The following PREX2 variants were observed in gnomAD, a reference collection of about 807,000 sequenced individuals.
PREX2 encodes phosphatidylinositol 3,4,5-trisphosphate-dependent Rac exchanger 2 protein.
Under a neutral mutation model 203.2 loss-of-function variants are expected in PREX2, and 107 were observed. The ratio of observed to expected loss-of-function variants is 0.53; its 90% CI spans 0.45 to 0.62. PREX2 has a LOEUF of 0.62. Among genes scored for constraint, PREX2 ranks in the 20% least tolerant of loss-of-function variants. PREX2 has a pLI of 0.00. For missense variants in PREX2, 1,777 were observed against 1,955.9 expected (o/e 0.91, Z 1.72); for synonymous variants, 672 against 663.6 (o/e 1.01, Z -0.19).
intron 9 of PREX2, among the ~76,000 whole-genome samples, 199 bp from the exon 10 acceptor site, chr8:68,055,629 CAT>C (rs1230662727): frequency 1.3e-5 from 2 of 152,150 alleles, no homozygotes; most frequent in Admixed American, 1.3e-4. Flanking sequence ...ACAAAGGTGA[CAT>C]ATACCCTGGG....
At chr8:68,138,656 A>G (rs971360822) in intron 33 of PREX2, 139 bp downstream of exon 33, 4 of 495,328 alleles carry the variant, frequency 8.1e-6, no homozygotes, top group South Asian at 3.7e-5. Flanking sequence ...ATTTTCCATC[A>G]CTAATCTGAC....
At chr8:68,108,686 A>G (rs1455721958) in intron 24 of PREX2, among the ~76,000 whole-genome samples, 1 of 152,192 alleles carries the variant, frequency 6.6e-6, no homozygotes, top group Non-Finnish European at 1.5e-5. Context: ...GCCATTCTGT[A>G]CCATCACAGT....
Position 67,952,390 on chromosome 8 carries a change from C to A in PREX2, c.-5C>A, listed in dbSNP as rs778923756. 9.8e-6 allele frequency: 15 copies of A among 1,534,836 alleles called. No individual in the cohort carries two copies. The highest frequency in any genetic ancestry group is 1.3e-5 in the Non-Finnish European group (15 of 1,142,192). On this transcript the variant is annotated 5_prime_UTR_variant, in exon 1 of 40. Transcript: ENST00000288368. ...GCAGCGCCGCGCTGCGCACCGCCGCCGACCATGAGCGAGGACAGCCGCGGA... is the reference window on the plus strand; with the variant it reads ...GCAGCGCCGCGCTGCGCACCGCCGCAGACCATGAGCGAGGACAGCCGCGGA...
intron 18 of PREX2, among the ~76,000 whole-genome samples, chr8:68,085,703 T>TG (rs1235395899): frequency 2.0e-5 from 3 of 152,184 alleles, no homozygotes; most frequent in African/African-American, 7.2e-5. Flanking sequence ...CTAAAGATCA[T>TG]TTTACTAAGG....
chr8:68,157,509 G>A lies in PREX2; in HGVS notation c.4346+73G>A, dbSNP rs924154749. ...GAAATGTATTAATAGGACTTTTGATGCTATTTATCATATTAGATTATTAAT... is the reference window on the plus strand; with the variant it reads ...GAAATGTATTAATAGGACTTTTGATACTATTTATCATATTAGATTATTAAT... On this transcript the variant is annotated intron_variant, in intron 35 of 39. Transcript: ENST00000288368. 8.7e-6 allele frequency: 6 copies of A among 686,870 alleles called. No homozygotes were observed. The African/African-American group carries it at 9.2e-5, about 11-fold the overall frequency. The allele number at this position is 686,870 out of a possible 1,614,324, so 42.5% of individuals were successfully genotyped here.
Position 68,080,763 on chromosome 8 carries a change from C to A in PREX2, c.1803C>A (p.Gly601=). The change falls in exon 17 of 40, where the codon GGC becomes GGA. Residue 601 remains glycine (G), a synonymous_variant. Coordinates refer to ENST00000288368, the MANE Select transcript of PREX2 (RefSeq NM_024870.4). ...CATTTCAGATTAAATCCAATGAAGG[C>A]AGCTATGGCTTTGGATTAGAAGACA... ...AKSLLIKSNE[G]SYGFGLEDKN... is the part of the protein sequence containing the mutation. 1.3e-6 allele frequency: 2 copies of A among 1,565,836 alleles called. No homozygotes were observed. Among genetic ancestry groups the A allele is most frequent in the African/African-American group, 1.4e-5 (1 of 72,994 alleles).
intron 35 of PREX2, among the ~76,000 whole-genome samples, chr8:68,159,802 G>T (rs896002379): frequency 6.6e-6 from 1 of 152,044 alleles, no homozygotes; most frequent in Non-Finnish European, 1.5e-5. Flanking sequence ...ACAGATTTTT[G>T]TTGAATTTAT....
chr8:68,064,658 A>G (rs1272368844), intron 11 of PREX2, among the ~76,000 whole-genome samples: 2 of 152,112 alleles, frequency 1.3e-5, no homozygotes, highest in Non-Finnish European at 1.5e-5. Flanking sequence ...GATTACAGGC[A>G]TGAGCCACCA....
At chr8:68,119,648 T>C (rs1810728501) in intron 28 of PREX2, 134 bp downstream of exon 28, 1 of 649,206 alleles carries the variant, frequency 1.5e-6, no homozygotes, top group Non-Finnish European at 2.7e-6. Context: ...TTACCTCAAT[T>C]TCTGACATTT....
chr8:68,209,352 CT>C (rs1286155251), intron 37 of PREX2, among the ~76,000 whole-genome samples: 1 of 151,966 alleles, frequency 6.6e-6, no homozygotes, highest in African/African-American at 2.4e-5. Flanking sequence ...AATGACCTGG[CT>C]TTTAATTAAA....
rs1246024670 is a variant in PREX2, at chr8:68,120,725, C to T, written c.3596-196C>T. The stretch of plus-strand genomic sequence containing the variant: ...GTAGAGTTTTCATCTAAATTTGCTT[C>T]GTTTAAACATTTATAAGAAAATAAC... On this transcript the variant is annotated intron_variant, in intron 29 of 39. Transcript: ENST00000288368. Among the ~76,000 whole-genome samples the T allele has an allele frequency of 3.3e-5, 5 of 152,058 alleles. No homozygotes were observed. In the East Asian group the frequency reaches 5.8e-4, roughly 18 times the overall value.
intron 35 of PREX2, among the ~76,000 whole-genome samples, chr8:68,166,777 G>C (rs1218829851): frequency 6.6e-6 from 1 of 152,000 alleles, no homozygotes; most frequent in East Asian, 1.9e-4. Context: ...AGACCAGCTT[G>C]GGCAAATAGA....
At position 68,231,314 on chromosome 8, in the gene PREX2, T is replaced by A; in HGVS notation, c.4776-19T>A. ...GTAATACACTAAGTCACTGTCAAACTTTACCATGCCTTTTCTAGGCTGTAC... is the reference window on the plus strand; with the variant it reads ...GTAATACACTAAGTCACTGTCAAACATTACCATGCCTTTTCTAGGCTGTAC... On this transcript the variant is annotated intron_variant, in intron 39 of 39. Coordinates refer to ENST00000288368, the MANE Select transcript of PREX2 (RefSeq NM_024870.4). The A allele has an allele frequency of 6.4e-7, 1 of 1,566,360 alleles. No individual in the cohort carries two copies. The highest frequency in any genetic ancestry group is 8.6e-7 in the Non-Finnish European group (1 of 1,160,186).
intron 14 of PREX2, among the ~76,000 whole-genome samples, chr8:68,073,471 GTTAATAC>G (rs1809258231): frequency 6.6e-6 from 1 of 151,882 alleles, no homozygotes; most frequent in African/African-American, 2.4e-5. Context: ...TGTTTCAGTT[GTTAATAC>G]TTAATCCACA....
At chr8:67,990,926 T>G (rs1806582670) in intron 1 of PREX2, among the ~76,000 whole-genome samples, 1 of 152,198 alleles carries the variant, frequency 6.6e-6, no homozygotes, top group East Asian at 1.9e-4. Flanking sequence ...TCACCCAAGA[T>G]CCCCAGCAGC....
chr8:68,089,204 C>G (rs369388800), intron 19 of PREX2, among the ~76,000 whole-genome samples: 1 of 130,166 alleles, frequency 7.7e-6, no homozygotes, highest in South Asian at 2.5e-4. Context: ...TCTCTTTTTC[C>G]CTTGTAGCTG....
intron 33 of PREX2, among the ~76,000 whole-genome samples, chr8:68,141,969 C>T (rs1811239773): frequency 6.6e-6 from 1 of 152,008 alleles, no homozygotes; most frequent in Non-Finnish European, 1.5e-5. Flanking sequence ...TTTAAAAAGC[C>T]TTTATATTTT....
At chr8:68,016,727 C>T (rs548852274) in intron 1 of PREX2, among the ~76,000 whole-genome samples, 1 of 152,212 alleles carries the variant, frequency 6.6e-6, no homozygotes, top group South Asian at 2.1e-4. Flanking sequence ...AGTGATCCTC[C>T]CACCTCAGCC....
intron 37 of PREX2, among the ~76,000 whole-genome samples, chr8:68,214,425 A>G (rs1270383488): frequency 6.6e-6 from 1 of 152,114 alleles, no homozygotes; most frequent in Non-Finnish European, 1.5e-5. Context: ...CTCCTATTGA[A>G]TGAGGGTTCC....
Sources: allele counts gnomAD v4.1 joint callset (sites outside exome capture counted in the v4.1 genomes callset), GRCh38; gene constraint gnomAD v4.1.1; transcripts MANE v1.5; gene names NCBI Gene and HGNC (gene_info 2026-07-23, HGNC 2026-07-21).